The following LETM1 variants were observed in gnomAD, a reference collection of about 807,000 sequenced individuals.
The protein encoded by LETM1 is leucine zipper and EF-hand containing transmembrane protein 1, also known as mitochondrial proton/calcium exchanger protein.
Under a neutral mutation model 74.5 loss-of-function variants are expected in LETM1, and 50 were observed. That is an observed-to-expected ratio of 0.67 (90% CI 0.53 to 0.85). The LOEUF (loss-of-function observed/expected upper bound fraction) is 0.85, where lower values mean the gene tolerates loss of function less well. Ranked by LOEUF, LETM1 falls within the 40% of genes least tolerant of loss-of-function variation. The probability of loss-of-function intolerance (pLI) is 0.00; values close to 1 mark genes in which losing one functional copy is unlikely to be tolerated. For missense variants in LETM1, 824 were observed against 967.8 expected (o/e 0.85, Z 1.97); for synonymous variants, 446 against 407.1 (o/e 1.10, Z -1.15).
At chr4:1,824,123 G>A (rs1449381345) in intron 7 of LETM1, among the ~76,000 whole-genome samples, 1 of 152,172 alleles carries the variant, frequency 6.6e-6, no homozygotes, top group Non-Finnish European at 1.5e-5. Flanking sequence ...AGAAGTTCGA[G>A]ACCAGCCTGG....
chr4:1,814,348 A>T lies in LETM1; in HGVS notation c.*76T>A. On this transcript the variant is annotated 3_prime_UTR_variant, in exon 14 of 14. Transcript: ENST00000302787. ...AATATTAGATGAGCCACTGAGAATC[A>T]CCACAAAGCAATCGCCCTCACGGCC... 1 of 1,595,026 alleles carries T rather than the reference A, an allele frequency of 6.3e-7. No individual in the cohort carries two copies. Among genetic ancestry groups the T allele is most frequent in the Non-Finnish European group, 8.6e-7 (1 of 1,167,574 alleles).
chr4:1,838,620 G>C (rs114345216), intron 3 of LETM1, among the ~76,000 whole-genome samples: 302 of 152,312 alleles, frequency 2.0e-3, no homozygotes, highest in Non-Finnish European at 3.8e-3. Flanking sequence ...TGAGGCTTTG[G>C]TTAGCCATGA....
chr4:1,828,258 CGGCTGGCCGGGCGGGG>C (rs1712087254), intron 6 of LETM1, among the ~76,000 whole-genome samples: 1 of 124,120 alleles, frequency 8.1e-6, no homozygotes, highest in African/African-American at 3.1e-5. Flanking sequence ...CCGGACGGGG[CGGCTGGCCGGGCGGGG>C]GGCTGACCCC....
chr4:1,812,213 A>T lies in LETM1; in HGVS notation c.*2211T>A, dbSNP rs1015631406. 1 of 149,688 alleles carries T rather than the reference A, an allele frequency of 6.7e-6. No homozygotes were observed. Among genetic ancestry groups the T allele is most frequent in the African/African-American group, 2.5e-5 (1 of 40,588 alleles). 9.3% of individuals were successfully genotyped at this position (149,688 alleles called of 1,614,324 possible). On this transcript the variant is annotated 3_prime_UTR_variant, in exon 14 of 14. Transcript: ENST00000302787. ...GACTCTGTCTCAAAAAAAAAAAAAA[A>T]AATTAGCTGGGCATGGTGGCGCATG... is the stretch of plus-strand genomic sequence containing the variant.
rs961412159 is a variant in LETM1, at chr4:1,812,586, A to C, written c.*1838T>G. On this transcript the variant is annotated 3_prime_UTR_variant, in exon 14 of 14. Coordinates refer to ENST00000302787, the MANE Select transcript of LETM1 (RefSeq NM_012318.3). ...TATTTCTGGATCCACCACTGCTTAC[A>C]TTTGCACCCAGACACCACTTTTAGG... 2.6e-5 allele frequency: 4 copies of C among 152,302 alleles called. No homozygotes were observed. The highest frequency in any genetic ancestry group is 9.7e-5 in the African/African-American group (4 of 41,432). The allele number at this position is 152,302 out of a possible 1,614,324, so 9.4% of individuals were successfully genotyped here. A position where few individuals can be genotyped will look rare whatever the true frequency, so the allele number is the denominator to read the frequency against.
chr4:1,829,622 T>C (rs572247293), intron 6 of LETM1, among the ~76,000 whole-genome samples: 4 of 152,186 alleles, frequency 2.6e-5, no homozygotes, highest in Non-Finnish European at 4.4e-5. Flanking sequence ...CCAGACCAGC[T>C]TGGGCAGCCT....
intron 2 of LETM1, among the ~76,000 whole-genome samples, chr4:1,842,501 C>A (rs530683366): frequency 1.3e-5 from 2 of 152,224 alleles, no homozygotes; most frequent in East Asian, 3.8e-4. Flanking sequence ...ACCACTCCAC[C>A]GCTCTTGCCT....
chr4:1,827,905 T>C (rs1467204338), intron 6 of LETM1, among the ~76,000 whole-genome samples: 1 of 145,146 alleles, frequency 6.9e-6, no homozygotes, highest in Admixed American at 6.8e-5. Context: ...ACGGGGCGGC[T>C]GGCTGGGCGG....
intron 2 of LETM1, among the ~76,000 whole-genome samples, chr4:1,847,688 G>T (rs551631894): frequency 8.9e-4 from 135 of 152,150 alleles, no homozygotes; most frequent in African/African-American, 3.2e-3. Context: ...AGCTGGGTGT[G>T]GTGGCGGCGT....
chr4:1,814,666 G>C (rs1397114575), intron 13 of LETM1, 93 bp from the exon 14 acceptor site: 1 of 1,106,298 alleles, frequency 9.0e-7, no homozygotes, highest in Non-Finnish European at 1.3e-6. Context: ...GCCCCAGCTG[G>C]GGTGGCAGCA....
chr4:1,816,801 G>T lies in LETM1; in HGVS notation c.1857C>A (p.Ile619=). 1 of 1,614,218 alleles carries T rather than the reference G, an allele frequency of 6.2e-7. No individual in the cohort carries two copies. Among genetic ancestry groups the T allele is most frequent in the East Asian group, 2.2e-5 (1 of 44,890 alleles). Residue 619 remains isoleucine (I), a synonymous_variant, in exon 12 of 14, where the codon ATC becomes ATA. Transcript: ENST00000302787. ...TKRVQQMIGQ[I]DGLISQLEMD... ...TCTCCAGCTGCGAGATCAAGCCATC[G>T]ATCTGCCCGATCATTTGCTGCACCC...
At position 1,841,385 on chromosome 4, in the gene LETM1, G is replaced by T; in HGVS notation, c.556C>A (p.Leu186Ile). 1 of 1,613,926 alleles carries T rather than the reference G, an allele frequency of 6.2e-7. No homozygotes were observed. The highest frequency in any genetic ancestry group is 8.5e-7 in the Non-Finnish European group (1 of 1,179,908). ...KIAARMLWRI[L>I]NGHSLTRRER... Reference sequence around the variant, plus strand: ...CGGCGGGTCAGGCTGTGGCCGTTGAGGATGCGCCAGAGCATGCGTGCCGCG... The same window carrying T: ...CGGCGGGTCAGGCTGTGGCCGTTGATGATGCGCCAGAGCATGCGTGCCGCG... Residue 186 changes from leucine (L) to isoleucine (I), a missense_variant, in exon 3 of 14, where the codon CTC becomes ATC. Physicochemically the swap from Leu to Ile is conservative, Grantham distance 5. Transcript: ENST00000302787.
intron 2 of LETM1, among the ~76,000 whole-genome samples, chr4:1,845,246 C>A (rs1712842385): frequency 6.6e-6 from 1 of 152,148 alleles, no homozygotes; most frequent in Non-Finnish European, 1.5e-5. Context: ...TGGGCCATTT[C>A]ATCTGAGGAT....
intron 1 of LETM1, 101 bp from the exon 2 acceptor site, chr4:1,849,310 G>T: frequency 1.2e-6 from 1 of 808,514 alleles, no homozygotes; most frequent in Non-Finnish European, 2.1e-6. Context: ...TTGCGCCCAG[G>T]CTAGAGTGCA....
At chr4:1,815,167 CG>C (rs1560472746) in intron 13 of LETM1, among the ~76,000 whole-genome samples, 1 of 152,200 alleles carries the variant, frequency 6.6e-6, no homozygotes, top group Middle Eastern at 3.2e-3. Flanking sequence ...CCAGGGTCTC[CG>C]GGGCTACCCT....
At position 1,832,955 on chromosome 4, in the gene LETM1, AG is replaced by A. The variant is rs751640222; in HGVS notation, c.877-9del. On this transcript the variant is annotated splice_polypyrimidine_tract_variant and intron_variant, in intron 5 of 13. Transcript: ENST00000302787. ...CTCCCCTGTTTCCCGGATCTGCGGA[AG>A]TGGTCACAAGGGTCATCCCCGGGAC... The A allele has an allele frequency of 1.2e-5, 20 of 1,611,870 alleles. No individual in the cohort carries two copies. Among genetic ancestry groups the A allele is most frequent in the Non-Finnish European group, 1.7e-5 (20 of 1,179,828 alleles).
intron 6 of LETM1, among the ~76,000 whole-genome samples, chr4:1,828,892 C>T (rs1394050867): frequency 5.6e-5 from 6 of 107,964 alleles, no homozygotes; most frequent in Non-Finnish European, 9.5e-5. Flanking sequence ...CCGGACGGGG[C>T]GGCTGGCCGG....
chr4:1,849,238 AGTAGTAAATCAG>A, intron 1 of LETM1, 29 bp from the exon 2 acceptor site: 1 of 1,532,254 alleles, frequency 6.5e-7, no homozygotes, highest in Non-Finnish European at 9.0e-7. Flanking sequence ...AAAATAAATG[AGTAGTAAATCAG>A]GGATTTATAC....
At chr4:1,827,091 A>G (rs904259718) in intron 6 of LETM1, among the ~76,000 whole-genome samples, 18 of 151,136 alleles carry the variant, frequency 1.2e-4, no homozygotes, top group Non-Finnish European at 1.8e-4. Flanking sequence ...GTTGCTGGGA[A>G]CTCTTCCTGC....
Sources: gnomAD v4.1 joint callset for allele counts (sites outside exome capture counted in the v4.1 genomes callset) on GRCh38, gnomAD v4.1.1 for gene constraint, MANE v1.5 for transcripts, NCBI Gene and HGNC (gene_info 2026-07-23, HGNC 2026-07-21) for gene names.